IREB2: variants seen among roughly 807,000 people sequenced by gnomAD.
The protein encoded by IREB2 is iron responsive element binding protein 2, also known as iron-responsive element-binding protein 2.
A neutral mutation model predicts 118.8 loss-of-function variants in IREB2; 39 were observed. The ratio of observed to expected loss-of-function variants is 0.33; its 90% CI spans 0.25 to 0.43. IREB2 has a LOEUF of 0.43. Ranked by LOEUF, IREB2 falls within the 20% of genes least tolerant of loss-of-function variation. IREB2 has a pLI of 1.00. For missense variants in IREB2, 900 were observed against 1,147.3 expected (o/e 0.78, Z 3.11); for synonymous variants, 372 against 392.2 (o/e 0.95, Z 0.61).
intron 10 of IREB2, among the ~76,000 whole-genome samples, chr15:78,482,629 C>T (rs2141509318): frequency 6.6e-6 from 1 of 151,566 alleles, no homozygotes; most frequent in Non-Finnish European, 1.5e-5. Context: ...ACAGAGCGGG[C>T]AGGAGGGTAG....
chr15:78,494,340 A>T (rs1281447480), intron 20 of IREB2, 76 bp downstream of exon 20: 1 of 1,434,488 alleles, frequency 7.0e-7, no homozygotes, highest in Admixed American at 2.1e-5. Flanking sequence ...ACATCCTGTC[A>T]AAGTTTATCT....
At chr15:78,487,882 T>C (rs925996607) in intron 14 of IREB2, 65 bp downstream of exon 14, 8 of 994,672 alleles carry the variant, frequency 8.0e-6, no homozygotes, top group African/African-American at 4.9e-5. Flanking sequence ...TACTAAATTA[T>C]AGAAAATATA....
intron 2 of IREB2, among the ~76,000 whole-genome samples, chr15:78,455,397 C>T (rs2051090180): frequency 6.6e-6 from 1 of 151,964 alleles, no homozygotes; most frequent in Non-Finnish European, 1.5e-5. Flanking sequence ...GAACTTTATA[C>T]CTGTTTGAAA....
intron 20 of IREB2, 119 bp downstream of exon 20, chr15:78,494,383 A>T: frequency 1.0e-6 from 1 of 1,000,602 alleles, no homozygotes; most frequent in Non-Finnish European, 1.5e-6. Flanking sequence ...CCTTATAGGT[A>T]TAGAGGGTTT....
intron 2 of IREB2, 67 bp downstream of exon 2, chr15:78,439,948 G>C: frequency 1.1e-6 from 1 of 952,198 alleles, no homozygotes; most frequent in Non-Finnish European, 1.7e-6. Flanking sequence ...TTGTCAAGCT[G>C]AGCTGAAGAA....
At chr15:78,449,217 A>T (rs553744509) in intron 2 of IREB2, among the ~76,000 whole-genome samples, 22 of 152,228 alleles carry the variant, frequency 1.4e-4, no homozygotes, top group East Asian at 9.7e-4. Flanking sequence ...AATAAAAAAA[A>T]TTTTTTTAAG....
upstream of IREB2, among the ~76,000 whole-genome samples, chr15:78,437,982 A>C (rs2050778045): frequency 6.6e-6 from 1 of 152,250 alleles, no homozygotes; most frequent in Non-Finnish European, 1.5e-5. Flanking sequence ...GCCGCAACTA[A>C]GTAACGGATC....
Position 78,449,270 on chromosome 15 carries a change from C to T in IREB2, c.106+9389C>T, listed in dbSNP as rs559034830. 3.0e-4 allele frequency among the ~76,000 whole-genome samples: 45 copies of T among 152,270 alleles called. No homozygotes were observed. In the South Asian group the frequency reaches 9.1e-3, roughly 31 times the overall value. The stretch of plus-strand genomic sequence containing the variant: ...TTTACCGTATCCAGTTCTATAAGCT[C>T]TGTTATACACTTGGCCAAGGTCCCA... On this transcript the variant is annotated intron_variant, in intron 2 of 21. Transcript: ENST00000258886.
In IREB2 at chr15:78,498,236, C is replaced by T. The variant is rs1567003244; in HGVS notation, c.*93C>T. 1 of 669,432 alleles carries T rather than the reference C, an allele frequency of 1.5e-6. No homozygotes were observed. Among genetic ancestry groups the T allele is most frequent in the Non-Finnish European group, 2.7e-6 (1 of 369,296 alleles). The allele number at this position is 669,432 out of a possible 1,614,324, so 41.5% of individuals were successfully genotyped here. ...CCTTACCATGGAGCAGCAGATAGTCCCAGTATACTCACTTATCTCATCCAT... is the reference window on the plus strand; with the variant it reads ...CCTTACCATGGAGCAGCAGATAGTCTCAGTATACTCACTTATCTCATCCAT... On this transcript the variant is annotated 3_prime_UTR_variant, in exon 22 of 22. Coordinates refer to ENST00000258886, the MANE Select transcript of IREB2 (RefSeq NM_004136.4).
rs888028337 is a variant in IREB2 at position 78,484,681 on chromosome 15, A to G, written c.1414-80A>G. ...AATGTTAAATCATCAAATGTCCGGTATCTGCTATGTTTTCTGCCAGTCTTT... is the reference window on the plus strand; with the variant it reads ...AATGTTAAATCATCAAATGTCCGGTGTCTGCTATGTTTTCTGCCAGTCTTT... On this transcript the variant is annotated intron_variant, in intron 11 of 21. Coordinates refer to ENST00000258886, the MANE Select transcript of IREB2 (RefSeq NM_004136.4). The G allele has an allele frequency of 4.3e-6, 4 of 930,270 alleles. No individual in the cohort carries two copies. The East Asian group carries it at 9.9e-5, about 23-fold the overall frequency. The allele number at this position is 930,270 out of a possible 1,614,324, so 57.6% of individuals were successfully genotyped here. A position where few individuals can be genotyped will look rare whatever the true frequency, so the allele number is the denominator to read the frequency against.
At chr15:78,460,585 T>C (rs1175384481) in intron 2 of IREB2, among the ~76,000 whole-genome samples, 2 of 152,190 alleles carry the variant, frequency 1.3e-5, no homozygotes, top group Non-Finnish European at 2.9e-5. Context: ...TACAAATCCT[T>C]CTCCAGATTA....
chr15:78,474,497 C>CCTATGATG (rs2051431666), intron 8 of IREB2: 1 of 152,198 alleles, frequency 6.6e-6, no homozygotes, highest in Non-Finnish European at 1.5e-5. Context: ...CAATTCTTTA[C>CCTATGATG]TTTAGACATC....
At position 78,471,213 on chromosome 15, in the gene IREB2, T is replaced by C. The variant is rs1186726727; in HGVS notation, c.700-528T>C. ...TAGTAGAGACGGGGTTTTGCCATGTTGGCCAGGCTGGTCTCGAGCTCTTGG... is the reference window on the plus strand; with the variant it reads ...TAGTAGAGACGGGGTTTTGCCATGTCGGCCAGGCTGGTCTCGAGCTCTTGG... On this transcript the variant is annotated intron_variant, in intron 6 of 21. Transcript: ENST00000258886. Among the ~76,000 whole-genome samples, 3 of 152,314 alleles carry C rather than the reference T, an allele frequency of 2.0e-5. No individual in the cohort carries two copies. In the East Asian group the frequency reaches 5.8e-4, roughly 29 times the overall value.
At chr15:78,447,576 C>G (rs2050952018) in intron 2 of IREB2, among the ~76,000 whole-genome samples, 1 of 152,132 alleles carries the variant, frequency 6.6e-6, no homozygotes, top group Non-Finnish European at 1.5e-5. Context: ...GATGATCCAC[C>G]TGCCTCGGCC....
At chr15:78,489,380 G>T (rs2051712589) in intron 16 of IREB2, among the ~76,000 whole-genome samples, 2 of 152,088 alleles carry the variant, frequency 1.3e-5, no homozygotes. Flanking sequence ...AACAGTTGAG[G>T]GGGGAAAAGA....
rs573237319 is a variant in IREB2 at position 78,481,363 on chromosome 15, C to T, written c.1297-1955C>T. On this transcript the variant is annotated intron_variant, in intron 10 of 21. Transcript: ENST00000258886. ...GATTACAGACATGCGCCACCATGCC[C>T]GGCTTTTTTTTTTGAGAGAATCTCG... is the stretch of plus-strand genomic sequence containing the variant. Among the ~76,000 whole-genome samples, 146 of 151,092 alleles carry T rather than the reference C, an allele frequency of 9.7e-4. 1 individual carries two copies. The highest frequency in any genetic ancestry group is 8.2e-3 in the South Asian group (39 of 4,780).
intron 14 of IREB2, 44 bp downstream of exon 14, chr15:78,487,861 CTA>C (rs1216880117): frequency 1.7e-6 from 2 of 1,191,652 alleles, no homozygotes; most frequent in Non-Finnish European, 2.5e-6. Flanking sequence ...ATTTTCTTAA[CTA>C]TGTTTTGTTA....
chr15:78,476,934 AAAGT>A (rs1566982842), intron 9 of IREB2, among the ~76,000 whole-genome samples: 2 of 152,216 alleles, frequency 1.3e-5, no homozygotes, highest in Admixed American at 6.5e-5. Context: ...TGCTATTTAA[AAAGT>A]AAGATCTCTT....
At chr15:78,479,752 A>C (rs1474912904) in intron 10 of IREB2, among the ~76,000 whole-genome samples, 1 of 152,110 alleles carries the variant, frequency 6.6e-6, no homozygotes, top group Non-Finnish European at 1.5e-5. Flanking sequence ...GATATTTTAC[A>C]ATCTAAGTAA....
Sources: allele counts gnomAD v4.1 joint callset (sites outside exome capture counted in the v4.1 genomes callset), GRCh38; gene constraint gnomAD v4.1.1; transcripts MANE v1.5; gene names NCBI Gene and HGNC (gene_info 2026-07-23, HGNC 2026-07-21).